The following PTPA variants were observed in gnomAD, a reference collection of about 807,000 sequenced individuals.
PTPA encodes the protein protein phosphatase 2 phosphatase activator.
PTPA carries 13 observed loss-of-function variants against 43.6 expected under a neutral mutation model. That is an observed-to-expected ratio of 0.30 (90% confidence interval 0.19 to 0.47). The LOEUF (loss-of-function observed/expected upper bound fraction) is 0.47, where lower values mean the gene tolerates loss of function less well. PTPA is among the 20% of genes least tolerant of loss of function. The pLI, the probability that PTPA is intolerant of heterozygous loss-of-function variation, is 0.99. For missense variants in PTPA, 329 were observed against 411.9 expected (o/e 0.80, Z 1.74); for synonymous variants, 172 against 158.2 (o/e 1.09, Z -0.66).
At chr9:129,145,151 T>G (rs894872763) in intron 9 of PTPA, among the ~76,000 whole-genome samples, 1 of 151,954 alleles carries the variant, frequency 6.6e-6, no homozygotes, top group Non-Finnish European at 1.5e-5. Flanking sequence ...GCCAACACGG[T>G]GAAACACTGT....
chr9:129,133,291 G>A (rs1850108889), intron 5 of PTPA, among the ~76,000 whole-genome samples: 1 of 152,194 alleles, frequency 6.6e-6, no homozygotes. Context: ...GGGCCCTCTT[G>A]GACCGGGTGG....
chr9:129,123,322 A>T (rs1849378443), intron 3 of PTPA, among the ~76,000 whole-genome samples, 184 bp downstream of exon 3: 1 of 152,112 alleles, frequency 6.6e-6, no homozygotes, highest in Non-Finnish European at 1.5e-5. Context: ...AATACAAAAA[A>T]TTAGCCGGGT....
At position 129,143,791 on chromosome 9, in the gene PTPA, A is replaced by C. The variant is rs571386181; in HGVS notation, c.894+1239A>C. On this transcript the variant is annotated intron_variant, in intron 9 of 9. Coordinates refer to ENST00000393370, the MANE Select transcript of PTPA (RefSeq NM_178000.3). ...AGGTTCCTTCCGGCTGCAGCTGGCC[A>C]CCCCCGGCTCTCCACTCCGACTCTG... 66 of 202,814 alleles carry C rather than the reference A, an allele frequency of 3.3e-4. No individual in the cohort carries two copies. In the South Asian group the frequency reaches 5.3e-3, roughly 16 times the overall value. The allele number at this position is 202,814 out of a possible 1,614,324, so 12.6% of individuals were successfully genotyped here. A position where few individuals can be genotyped will look rare whatever the true frequency, so the allele number is the denominator to read the frequency against.
intron 4 of PTPA, among the ~76,000 whole-genome samples, chr9:129,129,316 C>A (rs189000025): frequency 1.9e-3 from 291 of 152,244 alleles, no homozygotes; most frequent in African/African-American, 6.8e-3. Context: ...CACATACGGC[C>A]CTCTGCACTA....
At chr9:129,121,950 T>C (rs1588494028) in intron 2 of PTPA, among the ~76,000 whole-genome samples, 1 of 152,336 alleles carries the variant, frequency 6.6e-6, no homozygotes, top group Non-Finnish European at 1.5e-5. Context: ...TACTTCCTTC[T>C]AGATATCAGG....
chr9:129,132,375 G>C (rs540218257), intron 5 of PTPA, among the ~76,000 whole-genome samples: 2 of 152,022 alleles, frequency 1.3e-5, no homozygotes, highest in South Asian at 4.2e-4. Flanking sequence ...TGTCACCCGG[G>C]CTGCAGTGCA....
At chr9:129,142,205 C>A in intron 8 of PTPA, 1 of 419,136 alleles carries the variant, frequency 2.4e-6, no homozygotes. Flanking sequence ...GTTATATTTT[C>A]CTAGCAGGCC....
rs887900786 is a variant in PTPA, at chr9:129,122,551, C to T, written c.130-501C>T. Among the ~76,000 whole-genome samples, 5 of 152,206 alleles carry T rather than the reference C, an allele frequency of 3.3e-5. No homozygotes were observed. In the East Asian group the frequency reaches 5.8e-4, roughly 18 times the overall value. On this transcript the variant is annotated intron_variant, in intron 2 of 9. Transcript: ENST00000393370. ...CTAGACAGCCTGGCCCGCCTTTGGT[C>T]GCTGATTGCTGGGGGTGAGACACTT...
At chr9:129,146,538 C>G (rs1176090474) in intron 9 of PTPA, among the ~76,000 whole-genome samples, 1 of 152,238 alleles carries the variant, frequency 6.6e-6, no homozygotes, top group Non-Finnish European at 1.5e-5. Context: ...GCCTAACATA[C>G]TCTGTTTTCT....
In PTPA at chr9:129,111,429, C is replaced by G. The variant is rs1848472764; in HGVS notation, c.-172C>G. 2.4e-6 allele frequency: 3 copies of G among 1,250,762 alleles called. No individual in the cohort carries two copies. The allele number at this position is 1,250,762 out of a possible 1,614,324, so 77.5% of individuals were successfully genotyped here. ...GAGCGCCCCGCACCGACATGGCGGC[C>G]GTCTTCGCTGTGGTGACTTTAACTC... On this transcript the variant is annotated 5_prime_UTR_variant, in exon 1 of 10. Transcript: ENST00000393370.
intron 6 of PTPA, among the ~76,000 whole-genome samples, 159 bp downstream of exon 6, chr9:129,135,053 T>G (rs1211235771): frequency 6.6e-6 from 1 of 152,134 alleles, no homozygotes; most frequent in Non-Finnish European, 1.5e-5. Flanking sequence ...TGTCCAAGCC[T>G]TTTTTCCAAC....
chr9:129,116,142 C>T (rs967010906), intron 1 of PTPA, among the ~76,000 whole-genome samples: 1 of 151,102 alleles, frequency 6.6e-6, no homozygotes, highest in South Asian at 2.1e-4. Flanking sequence ...CTGCCTCAGC[C>T]TCCTGAGTAG....
At chr9:129,145,661 C>T (rs1479926978) in intron 9 of PTPA, among the ~76,000 whole-genome samples, 1 of 152,164 alleles carries the variant, frequency 6.6e-6, no homozygotes, top group Non-Finnish European at 1.5e-5. Context: ...TCTAACTCTG[C>T]TCTGTCCCAG....
intron 1 of PTPA, among the ~76,000 whole-genome samples, chr9:129,116,083 C>T (rs771027608): frequency 3.1e-4 from 46 of 149,092 alleles, no homozygotes; most frequent in Non-Finnish European, 5.8e-4. Context: ...TGCAGTGGCG[C>T]GACCTCGGCT....
At chr9:129,122,393 A>G (rs931479181) in intron 2 of PTPA, among the ~76,000 whole-genome samples, 2 of 152,198 alleles carry the variant, frequency 1.3e-5, no homozygotes, top group Non-Finnish European at 2.9e-5. Flanking sequence ...TTGAGCCACA[A>G]TACCTGACCC....
chr9:129,111,388 A>T, upstream of PTPA: 2 of 1,206,336 alleles, frequency 1.7e-6, no homozygotes, highest in Non-Finnish European at 2.1e-6. Flanking sequence ...GCCGGCCGTT[A>T]ATAGGCTTGC....
intron 8 of PTPA, among the ~76,000 whole-genome samples, chr9:129,138,296 T>C (rs2131606874): frequency 6.6e-6 from 1 of 152,314 alleles, no homozygotes; most frequent in East Asian, 1.9e-4. Context: ...CAGGATTCCT[T>C]GCAGTGGGCC....
intron 9 of PTPA, among the ~76,000 whole-genome samples, chr9:129,146,106 G>C (rs977406994): frequency 5.9e-5 from 9 of 151,334 alleles, no homozygotes; most frequent in Non-Finnish European, 4.4e-5. Context: ...AGGGCCCTTG[G>C]GGGGTGGGGG....
intron 2 of PTPA, 108 bp from the exon 3 acceptor site, chr9:129,122,944 G>C (rs1017316419): frequency 8.9e-6 from 7 of 787,856 alleles, no homozygotes; most frequent in Non-Finnish European, 1.3e-5. Flanking sequence ...AGGGTCAGGA[G>C]AAGTAGAAAG....
Sources: allele counts gnomAD v4.1 joint callset (sites outside exome capture counted in the v4.1 genomes callset), GRCh38; gene constraint gnomAD v4.1.1; transcripts MANE v1.5; gene names NCBI Gene and HGNC (gene_info 2026-07-23, HGNC 2026-07-21).